CRYM: variants seen among roughly 807,000 people sequenced by gnomAD.
The protein encoded by CRYM is ketimine reductase mu-crystallin.
A neutral mutation model predicts 32.9 loss-of-function variants in CRYM; 18 were observed. The observed-to-expected ratio is 0.55, with a 90% CI of 0.38 to 0.81. CRYM has a LOEUF of 0.81. Ranked by LOEUF, CRYM falls within the 30% of genes least tolerant of loss-of-function variation. CRYM has a pLI of 0.00. For missense variants in CRYM, 337 were observed against 393.5 expected (o/e 0.86, Z 1.21); for synonymous variants, 153 against 152.4 (o/e 1.00, Z -0.03).
At chr16:21,270,633 C>T (rs900189989) in intron 3 of CRYM, among the ~76,000 whole-genome samples, 3 of 152,170 alleles carry the variant, frequency 2.0e-5, no homozygotes, top group Admixed American at 6.5e-5. Flanking sequence ...GTCACGTCTT[C>T]CATACTCCAA....
intron 1 of CRYM, among the ~76,000 whole-genome samples, chr16:21,297,693 G>T (rs1030662615): frequency 6.6e-6 from 1 of 152,184 alleles, no homozygotes; most frequent in Non-Finnish European, 1.5e-5. Flanking sequence ...TATGTGCCAT[G>T]TGAGTGTCTT....
chr16:21,269,780 CT>C lies in CRYM; in HGVS notation c.489+9del. ...TCCCTCTTCTCTCCCACCCCCACCC[CT>C]GGACTTACCTCCTTAAAGGAGAACT... is the stretch of plus-strand genomic sequence containing the variant. On this transcript the variant is annotated intron_variant, in intron 4 of 7. Transcript: ENST00000572914. 6.7e-7 allele frequency: 1 copy of C among 1,485,786 alleles called. No homozygotes were observed. Among genetic ancestry groups the C allele is most frequent in the Non-Finnish European group, 9.4e-7 (1 of 1,066,714 alleles). The allele number at this position is 1,485,786 out of a possible 1,614,324, so 92.0% of individuals were successfully genotyped here.
chr16:21,301,793 C>T (rs931644213), intron 1 of CRYM, among the ~76,000 whole-genome samples: 1 of 152,200 alleles, frequency 6.6e-6, no homozygotes, highest in Non-Finnish European at 1.5e-5. Flanking sequence ...CCGCGGGCGG[C>T]TGGTGGTTGG....
chr16:21,290,713 T>C (rs572381938), intron 1 of CRYM, among the ~76,000 whole-genome samples: 8 of 152,336 alleles, frequency 5.3e-5, no homozygotes, highest in African/African-American at 1.9e-4. Context: ...TATATATTCA[T>C]AAACTGTTAT....
chr16:21,290,551 G>A (rs1450288619), intron 1 of CRYM, among the ~76,000 whole-genome samples: 1 of 152,106 alleles, frequency 6.6e-6, no homozygotes, highest in Non-Finnish European at 1.5e-5. Flanking sequence ...CCCACGGGAG[G>A]GAACCAATTC....
chr16:21,260,360 C>T (rs1292128614), intron 7 of CRYM, among the ~76,000 whole-genome samples: 1 of 152,072 alleles, frequency 6.6e-6, no homozygotes, highest in African/African-American at 2.4e-5. Context: ...GGCTGGAGTG[C>T]ACGATGTCAG....
chr16:21,276,066 C>T (rs1277983967), intron 2 of CRYM, among the ~76,000 whole-genome samples: 1 of 152,212 alleles, frequency 6.6e-6, no homozygotes, highest in Non-Finnish European at 1.5e-5. Flanking sequence ...AGATACCACC[C>T]TTAGATTAAC....
intron 1 of CRYM, among the ~76,000 whole-genome samples, chr16:21,288,732 A>G (rs1017879554): frequency 4.6e-5 from 7 of 152,192 alleles, no homozygotes; most frequent in Admixed American, 1.3e-4. Flanking sequence ...TTTTAAATGT[A>G]AGAATAAATG....
intron 3 of CRYM, among the ~76,000 whole-genome samples, chr16:21,274,171 G>A (rs567542715): frequency 1.3e-5 from 2 of 152,290 alleles, no homozygotes; most frequent in Admixed American, 6.5e-5. Context: ...CGTTCCCACA[G>A]ACACCCTGTT....
At chr16:21,285,332 A>C (rs2093405630) in intron 1 of CRYM, among the ~76,000 whole-genome samples, 1 of 152,236 alleles carries the variant, frequency 6.6e-6, no homozygotes, top group South Asian at 2.1e-4. Context: ...TCTTGAGGCT[A>C]GGAAGCCAAA....
chr16:21,288,364 C>A (rs1281911655), intron 1 of CRYM, among the ~76,000 whole-genome samples: 4 of 152,172 alleles, frequency 2.6e-5, no homozygotes, highest in Non-Finnish European at 5.9e-5. Flanking sequence ...GTGTCCTTTT[C>A]ATCTAGGTTA....
intron 7 of CRYM, among the ~76,000 whole-genome samples, chr16:21,259,647 A>G (rs1218224848): frequency 6.6e-6 from 1 of 152,120 alleles, no homozygotes; most frequent in East Asian, 1.9e-4. Context: ...AAAATCTAAA[A>G]ACCATTTCTA....
chr16:21,290,598 C>T (rs748081642), intron 1 of CRYM, among the ~76,000 whole-genome samples: 5 of 152,204 alleles, frequency 3.3e-5, no homozygotes, highest in African/African-American at 1.2e-4. Context: ...GCTTTTTGCT[C>T]AGACTTATAA....
rs190012894 is a variant in CRYM at position 21,266,565 on chromosome 16, C to A, written c.673+989G>T. 2.6e-5 allele frequency among the ~76,000 whole-genome samples: 4 copies of A among 152,180 alleles called. No homozygotes were observed. In the East Asian group the frequency reaches 7.7e-4, roughly 29 times the overall value. On this transcript the variant is annotated intron_variant, in intron 5 of 7. Transcript: ENST00000572914. ...TATCACACATATTAAAAAGCATATA[C>A]ATGTCACATAAAAAATTACAGTACA...
chr16:21,267,880 T>G, intron 4 of CRYM, 143 bp from the exon 5 acceptor site: 1 of 795,328 alleles, frequency 1.3e-6, no homozygotes, highest in Non-Finnish European at 2.1e-6. Flanking sequence ...TCATTCCCCA[T>G]GGAGAATGGA....
chr16:21,278,208 T>C lies in CRYM; in HGVS notation c.44A>G (p.Glu15Gly). 6.4e-7 allele frequency: 1 copy of C among 1,562,856 alleles called. No individual in the cohort carries two copies. The highest frequency in any genetic ancestry group is 8.7e-7 in the Non-Finnish European group (1 of 1,155,484). ...GAGGAGGCTGGAGCTGCGGAGGTGT[T>C]CCTCCACCTCGGCCGCGCTCAGGAA... ...PAFLSAAEVE[E>G]HLRSSSLLIP... The change falls in exon 1 of 8, where the codon GAA (glutamate) becomes GGA (glycine). Residue 15 changes from glutamate (E) to glycine (G), a missense_variant. Physicochemically the swap from Glu to Gly is moderately conservative, Grantham distance 98. Coordinates refer to ENST00000572914, the MANE Select transcript of CRYM (RefSeq NM_001376256.1).
At chr16:21,297,072 C>A (rs923884414) in intron 1 of CRYM, among the ~76,000 whole-genome samples, 1 of 151,716 alleles carries the variant, frequency 6.6e-6, no homozygotes, top group Non-Finnish European at 1.5e-5. Context: ...AAGGTTTTTA[C>A]CTCCAGTCGA....
At chr16:21,290,312 C>A (rs7187456) in intron 1 of CRYM, among the ~76,000 whole-genome samples, 2 of 151,996 alleles carry the variant, frequency 1.3e-5, no homozygotes, top group African/African-American at 4.8e-5. Context: ...ACGAACCCAC[C>A]GGGAGGGACA....
rs910968923 is a variant in CRYM at position 21,275,691 on chromosome 16, G to A, written c.325-97C>T. ...AAATATTAGCTTAGGAAGTTTTATA[G>A]CATCCTACAAACAGCATGGGTTTGG... is the stretch of plus-strand genomic sequence containing the variant. On this transcript the variant is annotated intron_variant, in intron 2 of 7. Transcript: ENST00000572914. The A allele has an allele frequency of 4.1e-6, 4 of 983,902 alleles. No homozygotes were observed. In the African/African-American group the frequency reaches 6.4e-5, roughly 16 times the overall value. 60.9% of individuals were successfully genotyped at this position (983,902 alleles called of 1,614,324 possible).
Sources: allele counts gnomAD v4.1 joint callset (sites outside exome capture counted in the v4.1 genomes callset), GRCh38; gene constraint gnomAD v4.1.1; transcripts MANE v1.5; gene names NCBI Gene and HGNC (gene_info 2026-07-23, HGNC 2026-07-21).